GSK3B: variants seen among roughly 807,000 people sequenced by gnomAD.
GSK3B encodes the protein glycogen synthase kinase 3 beta, also known as glycogen synthase kinase-3 beta.
In GSK3B, 15 loss-of-function variants were observed where a neutral mutation model predicts 56.4. The ratio of observed to expected loss-of-function variants is 0.27; its 90% CI spans 0.18 to 0.41. The LOEUF is 0.41. Among genes scored for constraint, GSK3B ranks in the 10% least tolerant of loss-of-function variants. GSK3B has a pLI of 1.00. For missense variants in GSK3B, 300 were observed against 513.4 expected, an observed-to-expected ratio of 0.58 and a Z score of 4.02; for synonymous variants, 181 against 188.9, an observed-to-expected ratio of 0.96 and a Z score of 0.34.
At position 119,863,614 on chromosome 3, in the gene GSK3B, C is replaced by CA; in HGVS notation, c.910-10dup. ...GTTCGGGGTCGGAAGACCTGCAGTA[C>CA]AAAAAAAGGGAAAGAACAATTAATG... is the stretch of plus-strand genomic sequence containing the variant. On this transcript the variant is annotated splice_polypyrimidine_tract_variant and intron_variant, in intron 8 of 10. Coordinates refer to ENST00000264235, the MANE Select transcript of GSK3B (RefSeq NM_001146156.2). 4.5e-6 allele frequency: 7 copies of CA among 1,552,426 alleles called. No individual in the cohort carries two copies. Among genetic ancestry groups the CA allele is most frequent in the Non-Finnish European group, 6.2e-6 (7 of 1,133,162 alleles).
At chr3:119,907,434 T>C (rs540098975) in intron 6 of GSK3B, among the ~76,000 whole-genome samples, 2 of 152,260 alleles carry the variant, frequency 1.3e-5, no homozygotes, top group African/African-American at 4.8e-5. Context: ...GTGACAACTA[T>C]ACTAGCAGCC....
At chr3:119,938,375 C>CAAAAAAAAAAAA in intron 3 of GSK3B, among the ~76,000 whole-genome samples, 2 of 151,990 alleles carry the variant, frequency 1.3e-5, no homozygotes, top group Non-Finnish European at 2.9e-5. Context: ...CAAAAATCCT[C>CAAAAAAAAAAAA]ATGAAAATAC....
intron 8 of GSK3B, among the ~76,000 whole-genome samples, chr3:119,871,797 T>A (rs892272643): frequency 6.6e-5 from 10 of 152,122 alleles, no homozygotes; most frequent in African/African-American, 2.4e-4. Flanking sequence ...GGCTGCATGG[T>A]CCCTTCAAAG....
Position 119,970,498 on chromosome 3 carries a change from G to A in GSK3B, c.283-23147C>T, listed in dbSNP as rs373164040. Among the ~76,000 whole-genome samples, 37 of 151,980 alleles carry A rather than the reference G, an allele frequency of 2.4e-4. No individual in the cohort carries two copies. The East Asian group carries it at 4.4e-3, about 18-fold the overall frequency. On this transcript the variant is annotated intron_variant, in intron 2 of 10. Coordinates refer to ENST00000264235, the MANE Select transcript of GSK3B (RefSeq NM_001146156.2). The stretch of plus-strand genomic sequence containing the variant: ...AAAAAACAAAAACGATCAGCCGGGC[G>A]CGGTGGCTCACGCCTGTAATCCCAA...
At chr3:119,840,490 C>A (rs1050803735) in intron 10 of GSK3B, among the ~76,000 whole-genome samples, 11 of 152,120 alleles carry the variant, frequency 7.2e-5, no homozygotes, top group Non-Finnish European at 1.6e-4. Context: ...TCCCAAAGTG[C>A]TGGGATTACA....
At chr3:119,835,595 A>G (rs1422864360) in intron 10 of GSK3B, among the ~76,000 whole-genome samples, 3 of 152,212 alleles carry the variant, frequency 2.0e-5, no homozygotes, top group Non-Finnish European at 2.9e-5. Flanking sequence ...TATCTTTGAA[A>G]GTAGAATAGA....
chr3:119,896,296 T>C lies in GSK3B; in HGVS notation c.813+9459A>G, dbSNP rs145624185. 1.6e-3 allele frequency among the ~76,000 whole-genome samples: 247 copies of C among 152,282 alleles called. 2 individuals are homozygous for C. The highest frequency in any genetic ancestry group is 5.5e-3 in the African/African-American group (230 of 41,578). On this transcript the variant is annotated intron_variant, in intron 7 of 10. Coordinates refer to ENST00000264235, the MANE Select transcript of GSK3B (RefSeq NM_001146156.2). ...TATTGAACATAAAGTGAAAAATTCA[T>C]TTTTGGTTGATACATATTCATAGGA...
intron 1 of GSK3B, among the ~76,000 whole-genome samples, chr3:120,046,034 T>C (rs952538745): frequency 7.3e-5 from 11 of 150,766 alleles, no homozygotes; most frequent in Non-Finnish European, 1.5e-4. Flanking sequence ...AAGACAAAAC[T>C]ATAGAGATAG....
intron 2 of GSK3B, among the ~76,000 whole-genome samples, chr3:120,000,042 T>C (rs376920447): frequency 2.0e-5 from 3 of 152,252 alleles, no homozygotes; most frequent in South Asian, 2.1e-4. Context: ...AAGACTAAGG[T>C]ACACGTTTAT....
chr3:119,952,981 A>T (rs2057173022), intron 2 of GSK3B, among the ~76,000 whole-genome samples: 1 of 152,178 alleles, frequency 6.6e-6, no homozygotes, highest in Non-Finnish European at 1.5e-5. Flanking sequence ...ATTTCCTCTT[A>T]ATTTCATTAA....
At chr3:119,947,698 C>G (rs2057113549) in intron 2 of GSK3B, among the ~76,000 whole-genome samples, 1 of 151,552 alleles carries the variant, frequency 6.6e-6, no homozygotes, top group Non-Finnish European at 1.5e-5. Context: ...GTATATTTCA[C>G]AAAAACAACA....
intron 1 of GSK3B, among the ~76,000 whole-genome samples, chr3:120,069,243 A>ATAAT (rs1200989532): frequency 1.3e-5 from 2 of 152,194 alleles, no homozygotes; most frequent in African/African-American, 4.8e-5. Flanking sequence ...ATATTCTTAG[A>ATAAT]GGTCCCAATG....
intron 10 of GSK3B, among the ~76,000 whole-genome samples, chr3:119,842,432 T>C (rs1297905056): frequency 1.3e-5 from 2 of 152,152 alleles, no homozygotes; most frequent in Non-Finnish European, 2.9e-5. Flanking sequence ...AATATAAGTA[T>C]AAACTTATAA....
At chr3:119,949,467 C>CTTGGCATATT (rs1559849211) in intron 2 of GSK3B, among the ~76,000 whole-genome samples, 1 of 152,066 alleles carries the variant, frequency 6.6e-6, no homozygotes, top group Non-Finnish European at 1.5e-5. Flanking sequence ...TAGTGGTGGG[C>CTTGGCATATT]TTGGCATATT....
At chr3:120,080,520 CAA>C (rs902576546) in intron 1 of GSK3B, among the ~76,000 whole-genome samples, 1 of 151,940 alleles carries the variant, frequency 6.6e-6, no homozygotes, top group African/African-American at 2.4e-5. Context: ...CTTAAAGACC[CAA>C]AAAGAGGTCT....
chr3:120,005,767 C>T (rs2057721830), intron 1 of GSK3B, among the ~76,000 whole-genome samples: 1 of 152,116 alleles, frequency 6.6e-6, no homozygotes, highest in South Asian at 2.1e-4. Context: ...ACAAGAGCTC[C>T]TGAAGGAAGC....
chr3:120,034,307 A>C (rs1199837907), intron 1 of GSK3B, among the ~76,000 whole-genome samples: 2 of 152,188 alleles, frequency 1.3e-5, no homozygotes, highest in Non-Finnish European at 2.9e-5. Context: ...AAGGTCAGAA[A>C]AACTTACTCC....
chr3:119,951,569 CA>C (rs1452134334), intron 2 of GSK3B, among the ~76,000 whole-genome samples: 2 of 151,876 alleles, frequency 1.3e-5, no homozygotes, highest in African/African-American at 4.8e-5. Context: ...GAATCTGTCT[CA>C]AAAAAATTCA....
intron 6 of GSK3B, among the ~76,000 whole-genome samples, chr3:119,908,319 C>T (rs1033416072): frequency 2.0e-5 from 3 of 152,088 alleles, no homozygotes; most frequent in Non-Finnish European, 4.4e-5. Flanking sequence ...TACAGATAAT[C>T]AGTATCATAT....
Sources: gnomAD v4.1 joint callset for allele counts (sites outside exome capture counted in the v4.1 genomes callset) on GRCh38, gnomAD v4.1.1 for gene constraint, MANE v1.5 for transcripts, NCBI Gene and HGNC (gene_info 2026-07-23, HGNC 2026-07-21) for gene names.